BABAM2: variants seen among roughly 807,000 people sequenced by gnomAD.
BABAM2 encodes BRISC and BRCA1 A complex member 2, also known as BRISC and BRCA1-A complex member 2.
BABAM2 carries 31 observed loss-of-function variants against 54.7 expected under a neutral mutation model. The ratio of observed to expected loss-of-function variants is 0.57; its 90% CI spans 0.43 to 0.77. The LOEUF (loss-of-function observed/expected upper bound fraction) is 0.77, where lower values mean the gene tolerates loss of function less well. BABAM2 is among the 30% of genes least tolerant of loss of function. The pLI is 0.00. For synonymous variants in BABAM2, 167 were observed against 162.9 expected, an observed-to-expected ratio of 1.03 and a Z score of -0.19; for missense variants, 364 against 455.8, an observed-to-expected ratio of 0.80 and a Z score of 1.83.
At chr2:28,238,361 A>G (rs1203582649) in intron 8 of BABAM2, among the ~76,000 whole-genome samples, 1 of 152,160 alleles carries the variant, frequency 6.6e-6, no homozygotes, top group Non-Finnish European at 1.5e-5. Context: ...CTTCTCCCAC[A>G]TGGACTGTGA....
chr2:28,088,651 C>T (rs796763868), intron 6 of BABAM2, among the ~76,000 whole-genome samples: 2 of 152,302 alleles, frequency 1.3e-5, no homozygotes, highest in African/African-American at 4.8e-5. Flanking sequence ...GGCTGCACCC[C>T]AGACCAATTA....
intron 7 of BABAM2, among the ~76,000 whole-genome samples, chr2:28,176,127 A>G (rs1295735150): frequency 2.0e-5 from 3 of 152,222 alleles, no homozygotes; most frequent in South Asian, 2.1e-4. Context: ...TTTTGCACCA[A>G]ATGTGCAGAT....
At chr2:28,187,085 G>A (rs913260594) in intron 7 of BABAM2, among the ~76,000 whole-genome samples, 3 of 152,168 alleles carry the variant, frequency 2.0e-5, no homozygotes, top group African/African-American at 2.4e-5. Flanking sequence ...GATTGCAGGC[G>A]TGAGCCACCG....
At chr2:28,064,545 C>A (rs1362169836) in intron 6 of BABAM2, among the ~76,000 whole-genome samples, 1 of 152,144 alleles carries the variant, frequency 6.6e-6, no homozygotes, top group African/African-American at 2.4e-5. Flanking sequence ...TATTCTTTTT[C>A]ATTTTTCAGA....
intron 7 of BABAM2, among the ~76,000 whole-genome samples, chr2:28,182,284 C>G (rs1350994282): frequency 2.0e-5 from 3 of 152,100 alleles, no homozygotes; most frequent in Admixed American, 1.3e-4. Context: ...CACTTAGGGA[C>G]AGGAGTTCTT....
chr2:28,029,508 A>G (rs1046282164), intron 5 of BABAM2, among the ~76,000 whole-genome samples: 4 of 152,132 alleles, frequency 2.6e-5, no homozygotes, highest in Non-Finnish European at 5.9e-5. Flanking sequence ...AGGTTCATCA[A>G]TGTTGTAGCA....
intron 4 of BABAM2, among the ~76,000 whole-genome samples, chr2:28,019,007 C>CA (rs1429569158): frequency 6.6e-6 from 1 of 152,110 alleles, no homozygotes; most frequent in Non-Finnish European, 1.5e-5. Context: ...CCTTACCCCC[C>CA]AACCCTTGAC....
chr2:28,135,125 T>C (rs1343535851), intron 7 of BABAM2, among the ~76,000 whole-genome samples: 1 of 152,182 alleles, frequency 6.6e-6, no homozygotes, highest in South Asian at 2.1e-4. Flanking sequence ...ACTTATTAAG[T>C]GCTATAAGAG....
At chr2:27,910,638 A>G in intron 2 of BABAM2, among the ~76,000 whole-genome samples, 2 of 152,260 alleles carry the variant, frequency 1.3e-5, no homozygotes, top group East Asian at 3.9e-4. Flanking sequence ...AGGTTAATAT[A>G]CTTTTAAAAA....
intron 6 of BABAM2, among the ~76,000 whole-genome samples, chr2:28,121,125 A>T (rs1669029274): frequency 6.6e-6 from 1 of 152,190 alleles, no homozygotes; most frequent in Non-Finnish European, 1.5e-5. Context: ...GATAGGCTGT[A>T]ACTAGGCTTT....
rs534829614 is a variant in BABAM2, at chr2:28,008,282, C to T, written c.301-16944C>T. Among the ~76,000 whole-genome samples the T allele has an allele frequency of 2.9e-4, 44 of 152,190 alleles. 1 individual carries two copies. The highest frequency in any genetic ancestry group is 1.0e-3 in the African/African-American group (42 of 41,522). On this transcript the variant is annotated intron_variant, in intron 4 of 11. Transcript: ENST00000379624. The stretch of plus-strand genomic sequence containing the variant: ...TTTGCTTACATGACACCAATAAACA[C>T]CTGATGCATCTACCATAAATGAAGA...
chr2:28,318,433 A>G (rs1303128291), intron 11 of BABAM2, among the ~76,000 whole-genome samples: 1 of 152,244 alleles, frequency 6.6e-6, no homozygotes, highest in Non-Finnish European at 1.5e-5. Flanking sequence ...TGGAAGCTGC[A>G]AATATTGATT....
intron 4 of BABAM2, among the ~76,000 whole-genome samples, chr2:28,008,155 CCAGA>C (rs375379277): frequency 6.1e-4 from 93 of 152,156 alleles, no homozygotes; most frequent in African/African-American, 1.7e-3. Flanking sequence ...ACTGTATTAC[CCAGA>C]CAATCAGTGA....
intron 7 of BABAM2, among the ~76,000 whole-genome samples, chr2:28,144,033 G>A (rs1224205172): frequency 2.6e-5 from 4 of 152,200 alleles, no homozygotes; most frequent in Admixed American, 6.5e-5. Flanking sequence ...TTGGGTTTGA[G>A]CCCTGGTTGC....
intron 10 of BABAM2, among the ~76,000 whole-genome samples, chr2:28,266,479 A>G (rs1684998656): frequency 1.3e-5 from 2 of 152,202 alleles, no homozygotes; most frequent in Non-Finnish European, 2.9e-5. Flanking sequence ...AAGTGGATTG[A>G]TAGTATCCTC....
At chr2:28,074,418 G>A (rs543223488) in intron 6 of BABAM2, among the ~76,000 whole-genome samples, 120 of 152,152 alleles carry the variant, frequency 7.9e-4, no homozygotes, top group African/African-American at 1.8e-3. Context: ...AAATGTCCCC[G>A]GGAGGGCAAA....
chr2:28,215,349 ATGT>A (rs1322147158), intron 7 of BABAM2, among the ~76,000 whole-genome samples: 1 of 152,136 alleles, frequency 6.6e-6, no homozygotes, highest in African/African-American at 2.4e-5. Flanking sequence ...GAACCATCTA[ATGT>A]TGTCAAGATT....
At chr2:28,274,264 C>G (rs547355117) in intron 10 of BABAM2, among the ~76,000 whole-genome samples, 1 of 152,340 alleles carries the variant, frequency 6.6e-6, no homozygotes, top group African/African-American at 2.4e-5. Flanking sequence ...TAAAAGCTGT[C>G]TTCAGCTTCA....
At chr2:28,284,188 CA>C (rs1289862731) in intron 10 of BABAM2, among the ~76,000 whole-genome samples, 4 of 152,054 alleles carry the variant, frequency 2.6e-5, no homozygotes. Context: ...ACCTTTATCT[CA>C]AATGAAATTT....
Sources: allele counts gnomAD v4.1 joint callset (sites outside exome capture counted in the v4.1 genomes callset), GRCh38; gene constraint gnomAD v4.1.1; transcripts MANE v1.5; gene names NCBI Gene and HGNC (gene_info 2026-07-23, HGNC 2026-07-21).